ROBO2: variants seen among roughly 807,000 people sequenced by gnomAD.
ROBO2 encodes roundabout homolog 2.
Under a neutral mutation model 160.8 loss-of-function variants are expected in ROBO2, and 53 were observed. That is an observed-to-expected ratio of 0.33 (90% CI 0.26 to 0.41). The LOEUF is 0.41. Among genes scored for constraint, ROBO2 ranks in the 10% least tolerant of loss-of-function variants. The pLI is 1.00. For synonymous variants in ROBO2, 664 were observed against 611.7 expected, an observed-to-expected ratio of 1.09 and a Z score of -1.26; for missense variants, 1,577 against 1,722.4, an observed-to-expected ratio of 0.92 and a Z score of 1.49.
rs1255339309 is a variant in ROBO2, at chr3:76,429,194, CCACT to C, written c.109+491600_109+491603del. ...CACACACACACACACACACACACAC[CCACT>C]CACTCACACTCAGGGTCTAGGAACA... On this transcript the variant is annotated intron_variant, in intron 2 of 26. Coordinates refer to the ROBO2 transcript ENST00000487694. Among the ~76,000 whole-genome samples, 49 of 151,068 alleles carry C rather than the reference CCACT, an allele frequency of 3.2e-4. 1 individual carries two copies. The East Asian group carries it at 9.3e-3, about 29-fold the overall frequency.
intron 2 of ROBO2, among the ~76,000 whole-genome samples, chr3:76,794,110 A>G (rs1416029514): frequency 6.6e-6 from 1 of 151,970 alleles, no homozygotes; most frequent in Non-Finnish European, 1.5e-5. Context: ...AAAAGTTTCA[A>G]ATAAAAACGT....
chr3:77,000,005 C>G (rs570502884), intron 2 of ROBO2, among the ~76,000 whole-genome samples: 231 of 152,236 alleles, frequency 1.5e-3, no homozygotes, highest in African/African-American at 5.4e-3. Flanking sequence ...TTCTGGCTCT[C>G]TGCACTCTTT....
chr3:76,335,292 T>C (rs1410307860), intron 2 of ROBO2, among the ~76,000 whole-genome samples: 3 of 143,560 alleles, frequency 2.1e-5, no homozygotes, highest in Admixed American at 1.5e-4. Context: ...GCAATTCTCC[T>C]GCCTCAGCCT....
At chr3:76,972,929 T>G (rs2059640731) in intron 2 of ROBO2, among the ~76,000 whole-genome samples, 1 of 152,228 alleles carries the variant, frequency 6.6e-6, no homozygotes, top group Non-Finnish European at 1.5e-5. Flanking sequence ...AATAGCATTA[T>G]CAACTGCTAA....
intron 2 of ROBO2, among the ~76,000 whole-genome samples, chr3:76,726,205 T>TA (rs2093550655): frequency 1.3e-5 from 2 of 152,166 alleles, no homozygotes; most frequent in South Asian, 4.1e-4. Context: ...GCTGATCTTG[T>TA]AAACAGTGTA....
At chr3:76,979,795 A>C (rs903877799) in intron 2 of ROBO2, among the ~76,000 whole-genome samples, 3 of 152,080 alleles carry the variant, frequency 2.0e-5, no homozygotes, top group African/African-American at 7.2e-5. Flanking sequence ...TAGTTTCCCT[A>C]TGCATTTTGT....
At chr3:76,912,859 G>A (rs2076076063) in intron 2 of ROBO2, among the ~76,000 whole-genome samples, 7 of 151,934 alleles carry the variant, frequency 4.6e-5, no homozygotes, top group Admixed American at 4.6e-4. Flanking sequence ...GAATTACTAC[G>A]TTCACTCTTT....
intron 24 of ROBO2, among the ~76,000 whole-genome samples, chr3:77,644,123 A>T (rs918874873): frequency 9.6e-5 from 5 of 52,082 alleles, no homozygotes; most frequent in African/African-American, 3.2e-4. Context: ...CAATCTGTAA[A>T]AAAAAAAAAT....
chr3:76,113,303 A>G (rs1359262602), intron 2 of ROBO2, among the ~76,000 whole-genome samples: 2 of 152,118 alleles, frequency 1.3e-5, no homozygotes, highest in Admixed American at 6.6e-5. Flanking sequence ...TTCTAAAATA[A>G]TGGTGGATAA....
chr3:76,953,678 C>G (rs2079082731), intron 2 of ROBO2, among the ~76,000 whole-genome samples: 1 of 152,256 alleles, frequency 6.6e-6, no homozygotes, highest in East Asian at 1.9e-4. Flanking sequence ...ACAGGATATA[C>G]CAAGCATCAC....
At chr3:76,834,112 TTCTC>T (rs1553651367) in intron 2 of ROBO2, among the ~76,000 whole-genome samples, 5 of 145,498 alleles carry the variant, frequency 3.4e-5, no homozygotes, top group East Asian at 2.0e-4. Flanking sequence ...CTTTCTTTCT[TTCTC>T]TCTGTCTCTC....
chr3:77,596,471 T>A (rs2094305505), intron 18 of ROBO2, 152 bp from the exon 20 acceptor site: 2 of 959,430 alleles, frequency 2.1e-6, no homozygotes. Context: ...CCTTAATGAA[T>A]TGCTGGAGTT....
At chr3:76,842,104 A>T (rs546553134) in intron 2 of ROBO2, among the ~76,000 whole-genome samples, 18 of 152,356 alleles carry the variant, frequency 1.2e-4, no homozygotes, top group African/African-American at 2.6e-4. Context: ...TCGTGTTGTT[A>T]TATGTGGCTA....
intron 2 of ROBO2, among the ~76,000 whole-genome samples, chr3:76,394,400 G>A (rs2077315694): frequency 6.6e-6 from 1 of 152,050 alleles, no homozygotes; most frequent in Admixed American, 6.6e-5. Context: ...TAGTTGGGCT[G>A]GATATGAAAT....
chr3:75,951,454 A>G (rs1158133372), intron 2 of ROBO2, among the ~76,000 whole-genome samples: 1 of 152,032 alleles, frequency 6.6e-6, no homozygotes, highest in Non-Finnish European at 1.5e-5. Context: ...TTTAGCTCTC[A>G]GCCATATGAA....
intron 1 of ROBO2, among the ~76,000 whole-genome samples, chr3:75,910,472 T>C (rs1946527326): frequency 6.6e-6 from 1 of 152,196 alleles, no homozygotes. Context: ...TATGAGTAGT[T>C]CAGATGGGAC....
chr3:77,461,276 T>G (rs2082215880), intron 2 of ROBO2, among the ~76,000 whole-genome samples: 1 of 152,064 alleles, frequency 6.6e-6, no homozygotes, highest in Non-Finnish European at 1.5e-5. Flanking sequence ...TACATCATAT[T>G]ACAGTAATGA....
At chr3:76,730,034 A>G (rs1432764823) in intron 2 of ROBO2, among the ~76,000 whole-genome samples, 1 of 152,140 alleles carries the variant, frequency 6.6e-6, no homozygotes, top group Non-Finnish European at 1.5e-5. Flanking sequence ...TATAAAACAA[A>G]TATTTTGAAA....
intron 2 of ROBO2, among the ~76,000 whole-genome samples, chr3:76,430,410 T>A (rs1445391388): frequency 6.6e-6 from 1 of 152,170 alleles, no homozygotes. Flanking sequence ...TTTCAAAGTA[T>A]CTCACAAATG....
Sources: gnomAD v4.1 joint callset for allele counts (sites outside exome capture counted in the v4.1 genomes callset) on GRCh38, gnomAD v4.1.1 for gene constraint, MANE v1.5 for transcripts, NCBI Gene and HGNC (gene_info 2026-07-23, HGNC 2026-07-21) for gene names.